Variants in SGCD observed in about 807,000 individuals in gnomAD.
The protein encoded by SGCD is delta-sarcoglycan.
Under a neutral mutation model 36.6 loss-of-function variants are expected in SGCD, and 18 were observed. The observed-to-expected ratio is 0.49, with a 90% CI of 0.34 to 0.73. The LOEUF (loss-of-function observed/expected upper bound fraction) is 0.73, where lower values mean the gene tolerates loss of function less well. Among genes scored for constraint, SGCD ranks in the 30% least tolerant of loss-of-function variants. The pLI is 0.01. For missense variants in SGCD, 387 were observed against 346.7 expected, an observed-to-expected ratio of 1.12 and a Z score of -0.92; for synonymous variants, 133 against 130.6, an observed-to-expected ratio of 1.02 and a Z score of -0.12.
At chr5:156,647,218 T>A (rs752920487) in intron 6 of SGCD, among the ~76,000 whole-genome samples, 13 of 152,184 alleles carry the variant, frequency 8.5e-5, no homozygotes, top group Non-Finnish European at 2.9e-5. Flanking sequence ...GAGATGGAAT[T>A]TGCCTCATGG....
At chr5:156,473,515 T>C (rs2127830215) in intron 3 of SGCD, among the ~76,000 whole-genome samples, 1 of 152,334 alleles carries the variant, frequency 6.6e-6, no homozygotes, top group African/African-American at 2.4e-5. Context: ...ATTTTCTATG[T>C]AATCTTTTTG....
At chr5:156,038,842 A>AT (rs907264023) in intron 1 of SGCD, among the ~76,000 whole-genome samples, 9 of 152,096 alleles carry the variant, frequency 5.9e-5, no homozygotes, top group South Asian at 2.1e-4. Flanking sequence ...GGCTGTTTTA[A>AT]TTTTTTTCCT....
the SGCD span, among the ~76,000 whole-genome samples, chr5:155,752,516 C>T: frequency 5.9e-5 from 9 of 152,314 alleles, no homozygotes; most frequent in East Asian, 1.7e-3. Flanking sequence ...TTGGTTGATA[C>T]CTACTCTTTC....
intron 1 of SGCD, among the ~76,000 whole-genome samples, chr5:155,904,307 C>T (rs984528296): frequency 1.3e-4 from 20 of 152,138 alleles, no homozygotes; most frequent in African/African-American, 4.6e-4. Flanking sequence ...CACTGCAATG[C>T]GTAATAGGCT....
intron 3 of SGCD, among the ~76,000 whole-genome samples, chr5:156,412,200 C>T (rs1262844393): frequency 1.3e-5 from 2 of 152,236 alleles, no homozygotes; most frequent in Non-Finnish European, 2.9e-5. Context: ...CCACATCCTA[C>T]CTGGGTGAGA....
At chr5:156,374,810 A>G (rs1967228) in intron 3 of SGCD, among the ~76,000 whole-genome samples, 13,712 of 152,046 alleles carry the variant, frequency 0.09, 2,027 homozygotes, top group African/African-American at 0.31. Context: ...ACATGCTGAC[A>G]GCATACCAAC....
intron 1 of SGCD, among the ~76,000 whole-genome samples, chr5:156,113,056 C>T (rs764375420): frequency 5.3e-5 from 8 of 151,986 alleles, no homozygotes; most frequent in Non-Finnish European, 1.0e-4. Flanking sequence ...ACGTGCATAG[C>T]AAATAAAAGA....
In SGCD at chr5:156,600,626, C is replaced by A. The variant is rs544843924; in HGVS notation, c.502+5575C>A. Among the ~76,000 whole-genome samples, 3 of 152,230 alleles carry A rather than the reference C, an allele frequency of 2.0e-5. No individual in the cohort carries two copies. The South Asian group carries it at 6.2e-4, about 32-fold the overall frequency. ...GTCTTGGCTATTGTGACTAGTACTG[C>A]AGTAAACGTGGAACTTAAGACATCT... On this transcript the variant is annotated intron_variant, in intron 6 of 8. Coordinates refer to ENST00000337851, the MANE Select transcript of SGCD (RefSeq NM_000337.6).
chr5:156,712,261 TCAGA>T (rs1409793251), intron 7 of SGCD, among the ~76,000 whole-genome samples: 1 of 152,178 alleles, frequency 6.6e-6, no homozygotes, highest in Non-Finnish European at 1.5e-5. Context: ...TTTAAATGCC[TCAGA>T]CAGAGTCATG....
chr5:155,910,674 G>T (rs1454724029), intron 1 of SGCD, among the ~76,000 whole-genome samples: 1 of 152,076 alleles, frequency 6.6e-6, no homozygotes, highest in African/African-American at 2.4e-5. Flanking sequence ...CCTCCTGATA[G>T]AATTATTTTT....
chr5:155,976,673 C>A (rs184985769), intron 1 of SGCD, among the ~76,000 whole-genome samples: 1 of 152,242 alleles, frequency 6.6e-6, no homozygotes, highest in African/African-American at 2.4e-5. Context: ...CACTTAGTTC[C>A]GTTTGTTCCT....
chr5:156,016,285 A>G (rs1485846474), intron 1 of SGCD, among the ~76,000 whole-genome samples: 3 of 152,150 alleles, frequency 2.0e-5, no homozygotes, highest in Non-Finnish European at 4.4e-5. Context: ...TATTGTGTTT[A>G]AAAGTGGGTT....
At chr5:156,114,402 G>A (rs1026664975) in intron 1 of SGCD, among the ~76,000 whole-genome samples, 1 of 151,986 alleles carries the variant, frequency 6.6e-6, no homozygotes, top group Non-Finnish European at 1.5e-5. Flanking sequence ...ATATATCCAC[G>A]TATTTGTCAT....
intron 3 of SGCD, among the ~76,000 whole-genome samples, chr5:156,145,802 C>T (rs1375972175): frequency 6.6e-6 from 1 of 152,016 alleles, no homozygotes; most frequent in Admixed American, 6.5e-5. Flanking sequence ...GAATGAAAGA[C>T]AATTGTAAAC....
chr5:155,931,494 A>C (rs1333795604), intron 1 of SGCD, among the ~76,000 whole-genome samples: 1 of 152,178 alleles, frequency 6.6e-6, no homozygotes. Context: ...AATGTCATTT[A>C]TACAATTGTT....
chr5:156,620,085 G>T (rs1374139038), intron 6 of SGCD, among the ~76,000 whole-genome samples: 1 of 152,198 alleles, frequency 6.6e-6, no homozygotes, highest in Non-Finnish European at 1.5e-5. Context: ...AAGTGAGTAT[G>T]GGGTGTGGGC....
At chr5:156,360,310 C>T (rs1002272729) in intron 3 of SGCD, among the ~76,000 whole-genome samples, 1 of 150,398 alleles carries the variant, frequency 6.6e-6, no homozygotes, top group Non-Finnish European at 1.5e-5. Flanking sequence ...TGCAATGGCA[C>T]AGTCTTGGCT....
the SGCD span, among the ~76,000 whole-genome samples, chr5:155,729,790 C>T: frequency 1.3e-5 from 2 of 152,196 alleles, no homozygotes; most frequent in Non-Finnish European, 2.9e-5. Context: ...CAAATGCCTC[C>T]TGTCGGAAAA....
At chr5:156,502,605 A>G (rs1221202064) in intron 3 of SGCD, among the ~76,000 whole-genome samples, 2 of 152,186 alleles carry the variant, frequency 1.3e-5, no homozygotes, top group Non-Finnish European at 1.5e-5. Flanking sequence ...AAAGTGCTGT[A>G]ATTACAAGCA....
Sources: allele counts gnomAD v4.1 joint callset (sites outside exome capture counted in the v4.1 genomes callset), GRCh38; gene constraint gnomAD v4.1.1; transcripts MANE v1.5; gene names NCBI Gene and HGNC (gene_info 2026-07-23, HGNC 2026-07-21).